The following SCHIP1 variants were observed in gnomAD, a reference collection of about 807,000 sequenced individuals.
The protein encoded by SCHIP1 is schwannomin interacting protein 1, also known as schwannomin-interacting protein 1.
A neutral mutation model predicts 29.7 loss-of-function variants in SCHIP1; 8 were observed. The observed-to-expected ratio is 0.27, with a 90% CI of 0.16 to 0.49. The LOEUF is 0.49. Ranked by LOEUF, SCHIP1 falls within the 20% of genes least tolerant of loss-of-function variation. The pLI, the probability that SCHIP1 is intolerant of heterozygous loss-of-function variation, is 0.99. For synonymous variants in SCHIP1, 76 were observed against 94.9 expected, an observed-to-expected ratio of 0.80 and a Z score of 1.16; for missense variants, 193 against 294.6, an observed-to-expected ratio of 0.66 and a Z score of 2.52.
chr3:159,292,304 A>G, the SCHIP1 span, among the ~76,000 whole-genome samples: 1 of 152,184 alleles, frequency 6.6e-6, no homozygotes. Context: ...TAATGGATAC[A>G]TGAGAGCTCA....
the SCHIP1 span, among the ~76,000 whole-genome samples, chr3:159,739,446 A>G: frequency 6.6e-6 from 1 of 152,196 alleles, no homozygotes; most frequent in Non-Finnish European, 1.5e-5. Context: ...AGTATTGGTG[A>G]AGGTTTTGAG....
the SCHIP1 span, among the ~76,000 whole-genome samples, chr3:159,290,144 A>AT: frequency 1.3e-5 from 2 of 152,254 alleles, no homozygotes; most frequent in South Asian, 4.1e-4. Flanking sequence ...ACTAAAAAAA[A>AT]GGTGGATAAC....
the SCHIP1 span, among the ~76,000 whole-genome samples, chr3:159,674,989 T>C: frequency 1.3e-5 from 2 of 152,200 alleles, no homozygotes; most frequent in African/African-American, 2.4e-5. Context: ...CACCCTACAT[T>C]GGACCAGGAA....
the SCHIP1 span, among the ~76,000 whole-genome samples, chr3:159,511,246 T>C: frequency 0.024 from 3,694 of 152,286 alleles, 153 homozygotes; most frequent in African/African-American, 0.084. Context: ...CGAGGCTCCA[T>C]GGGCGTTGGA....
chr3:159,602,181 C>T, the SCHIP1 span, among the ~76,000 whole-genome samples: 2 of 152,184 alleles, frequency 1.3e-5, no homozygotes, highest in African/African-American at 2.4e-5. Context: ...CTCAATACCA[C>T]GTTCCTCTAG....
chr3:159,323,806 G>T, the SCHIP1 span, among the ~76,000 whole-genome samples: 9 of 152,192 alleles, frequency 5.9e-5, no homozygotes, highest in African/African-American at 2.2e-4. Context: ...GAAGGCTTCA[G>T]GTATAAAGGC....
chr3:159,624,263 C>A, the SCHIP1 span, among the ~76,000 whole-genome samples: 3 of 152,230 alleles, frequency 2.0e-5, no homozygotes, highest in South Asian at 4.1e-4. Context: ...AAAATAAATT[C>A]ACTGTTAAAT....
the SCHIP1 span, among the ~76,000 whole-genome samples, chr3:159,656,500 A>G: frequency 3.9e-5 from 6 of 152,020 alleles, no homozygotes; most frequent in Non-Finnish European, 5.9e-5. Flanking sequence ...TGACTAATCT[A>G]TTGATAATAA....
intron 1 of SCHIP1, among the ~76,000 whole-genome samples, chr3:159,850,715 G>A (rs1429043861): frequency 1.3e-5 from 2 of 152,046 alleles, no homozygotes; most frequent in East Asian, 3.9e-4. Context: ...ATCTTCACGT[G>A]GCCAGAGCAG....
At chr3:159,819,716 A>G in the SCHIP1 span, among the ~76,000 whole-genome samples, 1 of 152,238 alleles carries the variant, frequency 6.6e-6, no homozygotes, top group Non-Finnish European at 1.5e-5. Flanking sequence ...TGTAGAGATA[A>G]TAATAGTTTG....
chr3:159,753,365 G>GTT, the SCHIP1 span, among the ~76,000 whole-genome samples: 1 of 151,972 alleles, frequency 6.6e-6, no homozygotes, highest in East Asian at 1.9e-4. Flanking sequence ...TGTCTTTCCT[G>GTT]TTTTTTTCTC....
At chr3:159,778,378 A>T in the SCHIP1 span, among the ~76,000 whole-genome samples, 1 of 152,162 alleles carries the variant, frequency 6.6e-6, no homozygotes, top group African/African-American at 2.4e-5. Context: ...AAGATAGTAC[A>T]CAGAGTTCTC....
chr3:159,479,011 C>T, the SCHIP1 span, among the ~76,000 whole-genome samples: 2 of 151,978 alleles, frequency 1.3e-5, no homozygotes, highest in African/African-American at 4.8e-5. Flanking sequence ...AAATAGAAAC[C>T]ATTTTACTTC....
chr3:159,806,632 G>C, the SCHIP1 span, among the ~76,000 whole-genome samples: 3 of 152,184 alleles, frequency 2.0e-5, no homozygotes, highest in Admixed American at 2.0e-4. Flanking sequence ...AGCTGAAGGC[G>C]AGTTCTGGGG....
the SCHIP1 span, among the ~76,000 whole-genome samples, chr3:159,281,687 G>A: frequency 3.1e-3 from 470 of 152,070 alleles, 1 homozygote; most frequent in African/African-American, 0.011. Context: ...AATAATGGAC[G>A]GTTACTTTTT....
At chr3:159,366,085 T>C in the SCHIP1 span, among the ~76,000 whole-genome samples, 1 of 152,212 alleles carries the variant, frequency 6.6e-6, no homozygotes, top group Non-Finnish European at 1.5e-5. Flanking sequence ...TGCTGGCATC[T>C]GCTTGGCTTC....
the SCHIP1 span, among the ~76,000 whole-genome samples, chr3:159,514,500 G>C: frequency 6.6e-6 from 1 of 152,220 alleles, no homozygotes; most frequent in African/African-American, 2.4e-5. Context: ...ATACCCGACT[G>C]TCCTACCATA....
At chr3:159,862,947 G>A (rs1224093797) in intron 1 of SCHIP1, among the ~76,000 whole-genome samples, 1 of 152,152 alleles carries the variant, frequency 6.6e-6, no homozygotes, top group Non-Finnish European at 1.5e-5. Context: ...AATGTGTCAA[G>A]AGCCTCAACA....
chr3:159,811,980 G>GTT, the SCHIP1 span, among the ~76,000 whole-genome samples: 84 of 134,768 alleles, frequency 6.2e-4, 1 homozygote, highest in Non-Finnish European at 1.0e-3. Context: ...TTTTGTTTTT[G>GTT]TTTTTTTTTT....
Sources: gnomAD v4.1 joint callset for allele counts (sites outside exome capture counted in the v4.1 genomes callset) on GRCh38, gnomAD v4.1.1 for gene constraint, MANE v1.5 for transcripts, NCBI Gene and HGNC (gene_info 2026-07-23, HGNC 2026-07-21) for gene names.